The following PCDH11Y variants were observed in gnomAD, a reference collection of about 807,000 sequenced individuals.
The protein encoded by PCDH11Y is protocadherin 11 Y-linked.
For missense variants in PCDH11Y, 12 were observed against 224.8 expected (o/e 0.05, Z 6.05); for synonymous variants, 9 against 83.6 (o/e 0.11, Z 4.87).
upstream of PCDH11Y, among the ~76,000 whole-genome samples, chrY:5,054,418 C>A: frequency 5.4e-5 from 1 of 18,478 alleles, no homozygotes; most frequent in Admixed American, 5.8e-4. Context: ...TCCTGATCCT[C>A]TCCCTCCTCC....
intron 2 of PCDH11Y, among the ~76,000 whole-genome samples, chrY:5,289,143 T>C: frequency 3.1e-5 from 1 of 32,683 alleles, no homozygotes; most frequent in Non-Finnish European, 7.5e-5. Flanking sequence ...GTCATGTTAC[T>C]ATGTGGTCAG....
At chrY:5,097,564 T>C in intron 1 of PCDH11Y, among the ~76,000 whole-genome samples, 1 of 33,414 alleles carries the variant, frequency 3.0e-5, no homozygotes, top group South Asian at 6.5e-4. Flanking sequence ...AACCAAACAT[T>C]GTGTGTTCTC....
chrY:5,659,139 T>C, intron 4 of PCDH11Y, among the ~76,000 whole-genome samples: 1 of 32,742 alleles, frequency 3.1e-5, no homozygotes, highest in South Asian at 6.9e-4. Context: ...TGCCTCTCTC[T>C]GTGTGCTGAG....
At chrY:5,180,110 G>A (rs1602881380) in intron 2 of PCDH11Y, among the ~76,000 whole-genome samples, 1 of 32,252 alleles carries the variant, frequency 3.1e-5, no homozygotes, top group East Asian at 8.4e-4. Context: ...CCCTTTGGCA[G>A]TGTCCCAGAG....
At chrY:5,407,023 T>C in intron 2 of PCDH11Y, among the ~76,000 whole-genome samples, 1 of 33,551 alleles carries the variant, frequency 3.0e-5, no homozygotes, top group African/African-American at 1.2e-4. Flanking sequence ...TTGGGAACAA[T>C]AGACAAAGAA....
At chrY:5,197,985 A>G (rs1602885003) in intron 2 of PCDH11Y, among the ~76,000 whole-genome samples, 1 of 30,463 alleles carries the variant, frequency 3.3e-5, no homozygotes, top group African/African-American at 1.3e-4. Context: ...ATAATAAAAA[A>G]AAAATTAAAA....
At chrY:5,221,844 T>C in intron 2 of PCDH11Y, among the ~76,000 whole-genome samples, 1 of 32,051 alleles carries the variant, frequency 3.1e-5, no homozygotes, top group Non-Finnish European at 7.6e-5. Context: ...AAAGGAGACA[T>C]CTTTGTCTTA....
chrY:5,059,388 G>A (rs2052669991), intron 1 of PCDH11Y, among the ~76,000 whole-genome samples: 87 of 33,240 alleles, frequency 2.6e-3, no homozygotes, highest in Non-Finnish European at 1.3e-3. Context: ...AATAAAAAAC[G>A]TTTATTTGGA....
chrY:5,385,815 G>A (rs2124675208), intron 2 of PCDH11Y, among the ~76,000 whole-genome samples: 3 of 33,496 alleles, frequency 9.0e-5, no homozygotes, highest in Non-Finnish European at 2.2e-4. Context: ...CTTCTGTTGA[G>A]ACATGTCTAT....
chrY:5,339,452 A>T (rs2124668609), intron 2 of PCDH11Y, among the ~76,000 whole-genome samples: 13 of 32,023 alleles, frequency 4.1e-4, no homozygotes, highest in Admixed American at 3.8e-3. Flanking sequence ...CCCGGGTTCA[A>T]GCGATTCTCC....
chrY:5,113,786 A>C, intron 2 of PCDH11Y, among the ~76,000 whole-genome samples: 2 of 24,848 alleles, frequency 8.0e-5, no homozygotes, highest in Admixed American at 6.8e-4. Context: ...GTTTACTATA[A>C]TAATTAGAGG....
chrY:5,253,839 T>C, intron 2 of PCDH11Y, among the ~76,000 whole-genome samples: 1 of 33,050 alleles, frequency 3.0e-5, no homozygotes, highest in East Asian at 8.0e-4. Context: ...GTCCCTTTTA[T>C]CACCACCTCC....
intron 2 of PCDH11Y, among the ~76,000 whole-genome samples, chrY:5,391,834 C>T: frequency 1.8e-4 from 6 of 32,973 alleles, no homozygotes; most frequent in Admixed American, 1.7e-3. Context: ...TCCTTTATCA[C>T]GTTGGCAACT....
At chrY:5,609,669 T>A in intron 4 of PCDH11Y, among the ~76,000 whole-genome samples, 1 of 928 alleles carries the variant, frequency 1.1e-3, no homozygotes, top group African/African-American at 4.9e-3. Flanking sequence ...GGTGGAGAGT[T>A]CTGTAGATGT....
chrY:5,681,192 G>C, intron 4 of PCDH11Y, among the ~76,000 whole-genome samples: 1 of 33,331 alleles, frequency 3.0e-5, no homozygotes, highest in African/African-American at 1.2e-4. Context: ...AATTTATAAA[G>C]AGAAGAGTTT....
At chrY:5,532,068 G>A in intron 3 of PCDH11Y, among the ~76,000 whole-genome samples, 2 of 28,950 alleles carry the variant, frequency 6.9e-5, no homozygotes, top group African/African-American at 1.4e-4. Context: ...CAGTGCTTTC[G>A]TTGCATCTTA....
chrY:5,284,842 A>G, intron 2 of PCDH11Y, among the ~76,000 whole-genome samples: 1 of 25,060 alleles, frequency 4.0e-5, no homozygotes, highest in Admixed American at 4.0e-4. Flanking sequence ...TAAGTTTCAG[A>G]TGACTTTATA....
At chrY:5,107,889 C>T, downstream of PCDH11Y, among the ~76,000 whole-genome samples, 1 of 31,968 alleles carries the variant, frequency 3.1e-5, no homozygotes, top group African/African-American at 1.2e-4. Context: ...GAAACCCCGT[C>T]TCTACTAAAA....
intron 3 of PCDH11Y, among the ~76,000 whole-genome samples, chrY:5,546,850 G>A: frequency 3.0e-5 from 1 of 33,206 alleles, no homozygotes; most frequent in East Asian, 8.0e-4. Flanking sequence ...GAGGGTAGAT[G>A]TGCAGGACAA....
Sources: gnomAD v4.1 joint callset for allele counts (sites outside exome capture counted in the v4.1 genomes callset) on GRCh38, gnomAD v4.1.1 for gene constraint, MANE v1.5 for transcripts, NCBI Gene and HGNC (gene_info 2026-07-23, HGNC 2026-07-21) for gene names.